SMYD1: variants seen among roughly 807,000 people sequenced by gnomAD.
SMYD1 encodes the protein histone-lysine N-methyltransferase SMYD1.
SMYD1 carries 49 observed loss-of-function variants against 54.0 expected under a neutral mutation model. That is an observed-to-expected ratio of 0.91 (90% CI 0.72 to 1.15). The LOEUF (loss-of-function observed/expected upper bound fraction) is 1.15. Among genes scored for constraint, SMYD1 ranks in the 50% most tolerant of loss-of-function variants. The probability of loss-of-function intolerance (pLI) is 0.00; values close to 1 mark genes in which losing one functional copy is unlikely to be tolerated. For missense variants in SMYD1, 653 were observed against 639.6 expected, an observed-to-expected ratio of 1.02 and a Z score of -0.23; for synonymous variants, 269 against 234.2, an observed-to-expected ratio of 1.15 and a Z score of -1.36.
rs541777855 is a variant in SMYD1, at chr2:88,101,477, T to C, written c.889-1581T>C. 6.4e-4 allele frequency among the ~76,000 whole-genome samples: 98 copies of C among 152,234 alleles called. 1 individual carries two copies. The highest frequency in any genetic ancestry group is 2.3e-3 in the African/African-American group (95 of 41,542). On this transcript the variant is annotated intron_variant, in intron 6 of 9. Coordinates refer to ENST00000419482, the MANE Select transcript of SMYD1 (RefSeq NM_198274.4). ...ATGGTATAATTCCAGTTAGAAAAAA[T>C]AGTCAATCCTATAGGCACATACACA...
intron 3 of SMYD1, among the ~76,000 whole-genome samples, chr2:88,090,566 A>AT (rs552674059): frequency 4.3e-4 from 66 of 151,778 alleles, no homozygotes; most frequent in South Asian, 3.3e-3. Context: ...AGAGATGTCA[A>AT]TTTTTTTTTA....
At chr2:88,089,212 G>T (rs930861621) in intron 3 of SMYD1, among the ~76,000 whole-genome samples, 4 of 152,148 alleles carry the variant, frequency 2.6e-5, no homozygotes, top group Non-Finnish European at 5.9e-5. Flanking sequence ...ATTCTATTCA[G>T]GTCTTCAACT....
At chr2:88,074,691 T>C (rs1456782100) in intron 1 of SMYD1, among the ~76,000 whole-genome samples, 1 of 152,204 alleles carries the variant, frequency 6.6e-6, no homozygotes, top group Non-Finnish European at 1.5e-5. Flanking sequence ...ACTTGAGCAG[T>C]CTCTAAATTA....
At position 88,106,178 on chromosome 2, in the gene SMYD1, C is replaced by T. The variant is rs1674863275; in HGVS notation, c.982-147C>T. ...CAACAGGACCACTTTGCAATTCATA[C>T]CCCAAACCTGTGCTTTCCCACCTCT... On this transcript the variant is annotated intron_variant, in intron 7 of 9. Transcript: ENST00000419482. The T allele has an allele frequency of 3.7e-6, 4 of 1,081,076 alleles. No individual in the cohort carries two copies. The Admixed American group carries it at 9.1e-5, about 25-fold the overall frequency. 67.0% of individuals were successfully genotyped at this position (1,081,076 alleles called of 1,614,324 possible). A position where few individuals can be genotyped will look rare whatever the true frequency, so the allele number is the denominator to read the frequency against.
intron 7 of SMYD1, among the ~76,000 whole-genome samples, chr2:88,105,319 A>G (rs1303903377): frequency 2.6e-5 from 4 of 152,012 alleles, no homozygotes; most frequent in Non-Finnish European, 5.9e-5. Context: ...TACTCATCTC[A>G]ATGTGTTCTT....
chr2:88,088,517 C>T lies in SMYD1; in HGVS notation c.528+442C>T, dbSNP rs560978270. 2.0e-5 allele frequency among the ~76,000 whole-genome samples: 3 copies of T among 152,266 alleles called. No homozygotes were observed. The East Asian group carries it at 5.8e-4, about 29-fold the overall frequency. ...TGAAGTGAAGACCCCTCATCCTGGA[C>T]TCTGTCTTCTGGCCTTGTTTACTGT... On this transcript the variant is annotated intron_variant, in intron 3 of 9. Coordinates refer to ENST00000419482, the MANE Select transcript of SMYD1 (RefSeq NM_198274.4).
intron 5 of SMYD1, among the ~76,000 whole-genome samples, chr2:88,095,661 G>A (rs1417931441): frequency 6.6e-6 from 1 of 152,172 alleles, no homozygotes; most frequent in Non-Finnish European, 1.5e-5. Flanking sequence ...TACTAGGCAG[G>A]GAGGTCCCAG....
Position 88,112,310 on chromosome 2 carries a change from A to G in SMYD1, c.*1798A>G, listed in dbSNP as rs1341219472. ...CCCCATATTCGTAGTCTTTTTTTCC[A>G]TCCTATCTTTCTAATATTTGTTGTC... On this transcript the variant is annotated 3_prime_UTR_variant, in exon 10 of 10. Transcript: ENST00000419482. The G allele has an allele frequency of 1.5e-5, 9 of 603,476 alleles. No individual in the cohort carries two copies. The highest frequency in any genetic ancestry group is 2.7e-5 in the Non-Finnish European group (9 of 338,564). 37.4% of individuals were successfully genotyped at this position (603,476 alleles called of 1,614,324 possible). A position where few individuals can be genotyped will look rare whatever the true frequency, so the allele number is the denominator to read the frequency against.
intron 1 of SMYD1, among the ~76,000 whole-genome samples, chr2:88,072,224 C>T (rs1673964174): frequency 6.8e-6 from 1 of 147,792 alleles, no homozygotes; most frequent in Non-Finnish European, 1.5e-5. Context: ...GATCTCGGCT[C>T]ACTGCAACCT....
At chr2:88,098,271 C>G (rs372139024) in intron 6 of SMYD1, among the ~76,000 whole-genome samples, 1 of 152,104 alleles carries the variant, frequency 6.6e-6, no homozygotes, top group African/African-American at 2.4e-5. Flanking sequence ...AACAACCATG[C>G]GATCATTTCT....
At chr2:88,068,614 T>G (rs1370493476) in intron 1 of SMYD1, among the ~76,000 whole-genome samples, 2 of 150,910 alleles carry the variant, frequency 1.3e-5, no homozygotes, top group Non-Finnish European at 1.5e-5. Flanking sequence ...CTGTCTGGTT[T>G]TTTTTTTTTT....
chr2:88,081,528 T>C (rs139849964), intron 1 of SMYD1, among the ~76,000 whole-genome samples: 1,571 of 151,472 alleles, frequency 0.01, 31 homozygotes, highest in African/African-American at 0.036. Flanking sequence ...CCTCTGTCCC[T>C]GGGTTCAAGC....
chr2:88,077,908 A>G (rs1476059623), intron 1 of SMYD1, among the ~76,000 whole-genome samples: 2 of 152,000 alleles, frequency 1.3e-5, no homozygotes, highest in Non-Finnish European at 2.9e-5. Flanking sequence ...TATTTTTAGT[A>G]GAGACGGGGT....
chr2:88,090,599 C>T (rs1419326822), intron 3 of SMYD1, among the ~76,000 whole-genome samples: 1 of 151,926 alleles, frequency 6.6e-6, no homozygotes, highest in Non-Finnish European at 1.5e-5. Context: ...GGAGTTTAAA[C>T]TGAGTAGGCA....
intron 7 of SMYD1, among the ~76,000 whole-genome samples, chr2:88,104,416 A>G (rs1161481042): frequency 1.3e-5 from 2 of 152,114 alleles, no homozygotes; most frequent in Non-Finnish European, 2.9e-5. Context: ...CACACACACA[A>G]AGTGTTATTG....
chr2:88,110,206 T>A (rs1040216549), intron 9 of SMYD1, 148 bp from the exon 10 acceptor site: 47 of 710,572 alleles, frequency 6.6e-5, no homozygotes, highest in Middle Eastern at 3.9e-4. Flanking sequence ...AATGAGTGTG[T>A]GTGTGTGTGT....
intron 1 of SMYD1, among the ~76,000 whole-genome samples, chr2:88,077,062 C>T (rs1416510688): frequency 6.6e-6 from 1 of 151,424 alleles, no homozygotes; most frequent in African/African-American, 2.4e-5. Flanking sequence ...GAGAGACCTT[C>T]TGGCAGGCTG....
intron 7 of SMYD1, 73 bp downstream of exon 7, chr2:88,103,223 TGGCGTGAGAACGGGC>T: frequency 8.7e-7 from 1 of 1,147,162 alleles, no homozygotes; most frequent in Non-Finnish European, 1.3e-6. Context: ...GGGAGGGAAG[TGGCGTGAGAACGGGC>T]GGCGGGGGAG....
chr2:88,079,484 C>G (rs141750148), intron 1 of SMYD1, among the ~76,000 whole-genome samples: 107 of 152,284 alleles, frequency 7.0e-4, no homozygotes, highest in African/African-American at 2.4e-3. Context: ...TAAGTAAGGA[C>G]AGGGTTATGC....
Sources: gnomAD v4.1 joint callset for allele counts (sites outside exome capture counted in the v4.1 genomes callset) on GRCh38, gnomAD v4.1.1 for gene constraint, MANE v1.5 for transcripts, NCBI Gene and HGNC (gene_info 2026-07-23, HGNC 2026-07-21) for gene names.